NEGR1: variants seen among roughly 807,000 people sequenced by gnomAD.
The protein encoded by NEGR1 is neuronal growth regulator 1.
A neutral mutation model predicts 40.9 loss-of-function variants in NEGR1; 10 were observed. The observed-to-expected ratio is 0.24, with a 90% confidence interval of 0.15 to 0.42. NEGR1 has a LOEUF of 0.42. Among genes scored for constraint, NEGR1 ranks in the 10% least tolerant of loss-of-function variants. The pLI, the probability that NEGR1 is intolerant of heterozygous loss-of-function variation, is 1.00. For synonymous variants in NEGR1, 185 were observed against 166.8 expected, an observed-to-expected ratio of 1.11 and a Z score of -0.84; for missense variants, 352 against 438.9, an observed-to-expected ratio of 0.80 and a Z score of 1.77.
intron 1 of NEGR1, among the ~76,000 whole-genome samples, chr1:72,089,538 GAA>G (rs1283082852): frequency 6.6e-6 from 1 of 152,002 alleles, no homozygotes; most frequent in Non-Finnish European, 1.5e-5. Context: ...ACATCCTGTA[GAA>G]AAAAGAGTTA....
At chr1:71,996,585 A>G (rs948697713) in intron 1 of NEGR1, among the ~76,000 whole-genome samples, 1 of 152,020 alleles carries the variant, frequency 6.6e-6, no homozygotes, top group African/African-American at 2.4e-5. Flanking sequence ...TTACTCAACT[A>G]TCCCTTCAGG....
intron 1 of NEGR1, among the ~76,000 whole-genome samples, chr1:72,280,350 A>G (rs1656200123): frequency 6.6e-6 from 1 of 152,214 alleles, no homozygotes; most frequent in African/African-American, 2.4e-5. Context: ...TTGAAAGAAA[A>G]GCAGTCTCCT....
At chr1:72,014,060 C>T (rs1022270864) in intron 1 of NEGR1, among the ~76,000 whole-genome samples, 2 of 146,426 alleles carry the variant, frequency 1.4e-5, no homozygotes, top group Non-Finnish European at 3.0e-5. Context: ...TGCATATTAG[C>T]ATTTAAAAAG....
intron 1 of NEGR1, among the ~76,000 whole-genome samples, chr1:72,018,990 C>T (rs1646734393): frequency 6.6e-6 from 1 of 151,990 alleles, no homozygotes; most frequent in South Asian, 2.1e-4. Context: ...TGTGGAGGAA[C>T]ATGAGGGCTT....
At chr1:71,888,092 T>C (rs1433022401) in intron 2 of NEGR1, among the ~76,000 whole-genome samples, 2 of 152,112 alleles carry the variant, frequency 1.3e-5, no homozygotes, top group African/African-American at 4.8e-5. Flanking sequence ...CTCCATAATT[T>C]ATTCTTCAAC....
intron 1 of NEGR1, among the ~76,000 whole-genome samples, chr1:72,159,825 G>C (rs780960144): frequency 6.6e-6 from 1 of 152,054 alleles, no homozygotes; most frequent in African/African-American, 2.4e-5. Context: ...ACACTTTAGG[G>C]TTCACATTTT....
At chr1:71,575,376 A>G (rs1341808522) in intron 6 of NEGR1, among the ~76,000 whole-genome samples, 3 of 152,204 alleles carry the variant, frequency 2.0e-5, no homozygotes. Context: ...TGCCCTTCCA[A>G]CCAACCACAG....
intron 6 of NEGR1, among the ~76,000 whole-genome samples, chr1:71,504,427 G>A (rs1647019219): frequency 6.6e-6 from 1 of 152,056 alleles, no homozygotes; most frequent in South Asian, 2.1e-4. Flanking sequence ...TTTCAACACA[G>A]AGAAAGAAGA....
intron 6 of NEGR1, among the ~76,000 whole-genome samples, chr1:71,534,010 T>A (rs1647437498): frequency 6.6e-6 from 1 of 151,742 alleles, no homozygotes; most frequent in Non-Finnish European, 1.5e-5. Flanking sequence ...ATTAGATTCT[T>A]AAAACTTCAC....
At chr1:72,135,947 A>G (rs770136763) in intron 1 of NEGR1, among the ~76,000 whole-genome samples, 2 of 152,216 alleles carry the variant, frequency 1.3e-5, no homozygotes, top group Non-Finnish European at 2.9e-5. Context: ...TAATTTGCCC[A>G]AGATTGAACA....
chr1:72,222,894 G>C (rs1169783607), intron 1 of NEGR1, among the ~76,000 whole-genome samples: 1 of 152,098 alleles, frequency 6.6e-6, no homozygotes, highest in Non-Finnish European at 1.5e-5. Flanking sequence ...CCAGGTGTCA[G>C]ACATGTGAGT....
At chr1:71,582,876 T>C (rs993192528) in intron 6 of NEGR1, among the ~76,000 whole-genome samples, 3 of 152,168 alleles carry the variant, frequency 2.0e-5, no homozygotes, top group African/African-American at 4.8e-5. Flanking sequence ...AACGCTGCCC[T>C]GGTCAAAGGT....
chr1:71,735,421 G>A (rs2101669375), intron 3 of NEGR1, among the ~76,000 whole-genome samples: 1 of 152,188 alleles, frequency 6.6e-6, no homozygotes, highest in Admixed American at 6.6e-5. Flanking sequence ...AAAAGTGGCA[G>A]GGTGAACCTG....
At chr1:72,105,321 A>G (rs1649094703) in intron 1 of NEGR1, among the ~76,000 whole-genome samples, 1 of 152,080 alleles carries the variant, frequency 6.6e-6, no homozygotes, top group African/African-American at 2.4e-5. Flanking sequence ...ACACTTCAGT[A>G]GAAGTAAAAG....
chr1:72,093,238 G>A (rs1015526017), intron 1 of NEGR1, among the ~76,000 whole-genome samples: 12 of 150,654 alleles, frequency 8.0e-5, no homozygotes, highest in Non-Finnish European at 1.6e-4. Context: ...GGCTGAGGCA[G>A]GAGAATTGCT....
chr1:71,525,817 T>C (rs1647210186), intron 6 of NEGR1, among the ~76,000 whole-genome samples: 1 of 151,678 alleles, frequency 6.6e-6, no homozygotes, highest in Admixed American at 6.6e-5. Context: ...AGAGTAATAG[T>C]AATCATCAGT....
intron 1 of NEGR1, among the ~76,000 whole-genome samples, chr1:72,210,692 A>G (rs1653571077): frequency 6.6e-6 from 1 of 151,930 alleles, no homozygotes; most frequent in Admixed American, 6.6e-5. Flanking sequence ...TGATACTAAG[A>G]AATGTGAATC....
In NEGR1 at chr1:71,698,052, T is replaced by C. The variant is rs767134486; in HGVS notation, c.623A>G (p.Asp208Gly). The C allele has an allele frequency of 3.2e-5, 52 of 1,611,452 alleles. 1 individual carries two copies. In the South Asian group the frequency reaches 5.7e-4, roughly 18 times the overall value. ...TTTCCTCACATCTGGGAATGACACA[T>C]CATTTTCCGCACTGCATTCATATTC... ...AGEYECSAENDVSFPDVRKVK... is the reference protein window; with the variant it reads ...AGEYECSAENGVSFPDVRKVK... Residue 208 changes from aspartate (D) to glycine (G), a missense_variant, in exon 4 of 7, where the codon GAT becomes GGT. Transcript: ENST00000357731.
At chr1:71,766,188 A>G (rs920610718) in intron 3 of NEGR1, among the ~76,000 whole-genome samples, 57 of 151,828 alleles carry the variant, frequency 3.8e-4, no homozygotes, top group Admixed American at 1.5e-3. Context: ...AAAAAAAAAA[A>G]AAGAAGAGAT....
Sources: gnomAD v4.1 joint callset for allele counts (sites outside exome capture counted in the v4.1 genomes callset) on GRCh38, gnomAD v4.1.1 for gene constraint, MANE v1.5 for transcripts, NCBI Gene and HGNC (gene_info 2026-07-23, HGNC 2026-07-21) for gene names.